The following STAB2 variants were observed in gnomAD, a reference collection of about 807,000 sequenced individuals.
The protein encoded by STAB2 is stabilin-2.
Under a neutral mutation model 338.1 loss-of-function variants are expected in STAB2, and 288 were observed. The ratio of observed to expected loss-of-function variants is 0.85; its 90% CI spans 0.77 to 0.94. The LOEUF (loss-of-function observed/expected upper bound fraction) is 0.94, where lower values mean the gene tolerates loss of function less well. Ranked by LOEUF, STAB2 falls within the 40% of genes least tolerant of loss-of-function variation. STAB2 has a pLI of 0.00. For missense variants in STAB2, 3,141 were observed against 3,210.1 expected (o/e 0.98, Z 0.52); for synonymous variants, 1,202 against 1,193.3 (o/e 1.01, Z -0.15).
intron 10 of STAB2, among the ~76,000 whole-genome samples, chr12:103,649,684 G>A (rs1028500188): frequency 1.3e-5 from 2 of 152,172 alleles, no homozygotes; most frequent in Admixed American, 6.5e-5. Flanking sequence ...CCCATTTAAT[G>A]TCTCCTGCAT....
In STAB2 at chr12:103,705,659, A is replaced by T. The variant is rs1566031911; in HGVS notation, c.3928A>T (p.Thr1310Ser). 3 of 1,614,090 alleles carry T rather than the reference A, an allele frequency of 1.9e-6. No homozygotes were observed. The highest frequency in any genetic ancestry group is 2.5e-6 in the Non-Finnish European group (3 of 1,180,014). The change falls in exon 37 of 69, where the codon ACC becomes TCC. Residue 1310 changes from threonine to serine, a missense_variant. Thr to Ser is a moderately conservative substitution (Grantham distance 58). Transcript: ENST00000388887. The part of the protein sequence containing the change: ...LGNEKRRCIY[T>S]SYFMGRRTLF... Reference sequence around the variant, plus strand: ...TAATGAGAAGAGGAGATGCATCTATACCTCCTATTTCATGGGAAGACGAAC... The same window carrying T: ...TAATGAGAAGAGGAGATGCATCTATTCCTCCTATTTCATGGGAAGACGAAC...
chr12:103,704,826 A>G, intron 36 of STAB2: 1 of 480,154 alleles, frequency 2.1e-6, no homozygotes, highest in Non-Finnish European at 3.7e-6. Flanking sequence ...ATGGGTTCAT[A>G]TGAATCAACA....
intron 6 of STAB2, among the ~76,000 whole-genome samples, chr12:103,634,433 T>C (rs10861062): frequency 0.16 from 24,391 of 152,230 alleles, 2,324 homozygotes; most frequent in South Asian, 0.4. Context: ...GTGACTGAAA[T>C]GAGGGTGCCA....
At chr12:103,599,615 A>G (rs1430199989) in intron 3 of STAB2, among the ~76,000 whole-genome samples, 1 of 152,246 alleles carries the variant, frequency 6.6e-6, no homozygotes, top group Non-Finnish European at 1.5e-5. Context: ...AAACAATATT[A>G]GGGATGTACT....
intron 46 of STAB2, among the ~76,000 whole-genome samples, 190 bp from the exon 47 acceptor site, chr12:103,727,074 TATA>T (rs2139062682): frequency 6.6e-6 from 1 of 152,362 alleles, no homozygotes; most frequent in Admixed American, 6.5e-5. Context: ...GTGTTAATTT[TATA>T]ATGAGAAGAA....
chr12:103,702,593 C>A (rs1040646613), intron 34 of STAB2, among the ~76,000 whole-genome samples: 1 of 152,260 alleles, frequency 6.6e-6, no homozygotes, highest in Admixed American at 6.5e-5. Context: ...GCCACCGCGC[C>A]CGGCCTATCA....
At chr12:103,614,646 T>G (rs1372533728) in intron 3 of STAB2, among the ~76,000 whole-genome samples, 1 of 152,194 alleles carries the variant, frequency 6.6e-6, no homozygotes, top group African/African-American at 2.4e-5. Flanking sequence ...TCTTGCTAAG[T>G]TCATCCACAT....
intron 8 of STAB2, 144 bp from the exon 9 acceptor site, chr12:103,639,979 T>C: frequency 3.2e-6 from 3 of 935,826 alleles, no homozygotes; most frequent in Non-Finnish European, 4.6e-6. Flanking sequence ...TTTAGATACT[T>C]TGACAAATTT....
intron 58 of STAB2, 84 bp from the exon 59 acceptor site, chr12:103,748,879 G>C: frequency 7.1e-7 from 1 of 1,413,040 alleles, no homozygotes; most frequent in Non-Finnish European, 9.7e-7. Context: ...AACACCACTA[G>C]TGCTGTGGTG....
chr12:103,641,840 A>T (rs1565979664), intron 9 of STAB2, among the ~76,000 whole-genome samples: 1 of 152,210 alleles, frequency 6.6e-6, no homozygotes, highest in African/African-American at 2.4e-5. Flanking sequence ...GACTGTCTTC[A>T]GCCAAAAAAA....
chr12:103,688,100 A>C, intron 27 of STAB2, 68 bp from the exon 28 acceptor site: 1 of 1,489,446 alleles, frequency 6.7e-7, no homozygotes, highest in Non-Finnish European at 9.4e-7. Flanking sequence ...CTGTGATTGC[A>C]CTTCTCATTG....
chr12:103,743,167 C>T (rs1382773991), intron 56 of STAB2, among the ~76,000 whole-genome samples: 2 of 151,824 alleles, frequency 1.3e-5, no homozygotes, highest in Admixed American at 6.6e-5. Context: ...GGATTACAGG[C>T]GCCCGCCACC....
At position 103,650,674 on chromosome 12, in the gene STAB2, A is replaced by G. The variant is rs535732471; in HGVS notation, c.1257+96A>G. 1.4e-5 allele frequency: 14 copies of G among 987,188 alleles called. No individual in the cohort carries two copies. In the South Asian group the frequency reaches 2.1e-4, roughly 15 times the overall value. The allele number at this position is 987,188 out of a possible 1,614,324, so 61.2% of individuals were successfully genotyped here. A position where few individuals can be genotyped will look rare whatever the true frequency, so the allele number is the denominator to read the frequency against. ...TTTAAAGTGGGAAATCCCCATTAAA[A>G]TTAAACCTACTGATGATAAGGATGG... is the stretch of plus-strand genomic sequence containing the variant. On this transcript the variant is annotated intron_variant, in intron 11 of 68. Transcript: ENST00000388887.
At chr12:103,669,906 G>A (rs1875582126) in intron 21 of STAB2, among the ~76,000 whole-genome samples, 1 of 152,174 alleles carries the variant, frequency 6.6e-6, no homozygotes, top group Non-Finnish European at 1.5e-5. Flanking sequence ...CGTTCCTCCT[G>A]TGGGAGATAT....
chr12:103,594,562 G>C (rs774639827), intron 3 of STAB2, 52 bp downstream of exon 3: 1 of 1,402,822 alleles, frequency 7.1e-7, no homozygotes. Context: ...TATCTCATTT[G>C]GTAGAAAATT....
intron 9 of STAB2, among the ~76,000 whole-genome samples, chr12:103,646,042 G>C (rs910709131): frequency 2.0e-5 from 3 of 152,146 alleles, no homozygotes; most frequent in Non-Finnish European, 4.4e-5. Flanking sequence ...CCAGCACTTT[G>C]GGAGGCCAAA....
chr12:103,737,578 C>CTCTG, intron 52 of STAB2, 56 bp from the exon 53 acceptor site: 1 of 766,064 alleles, frequency 1.3e-6, no homozygotes, highest in Non-Finnish European at 1.8e-6. Context: ...GACTGTTTCT[C>CTCTG]TCTCTCTCTC....
chr12:103,675,564 G>T (rs528147804), intron 23 of STAB2, among the ~76,000 whole-genome samples: 113 of 152,398 alleles, frequency 7.4e-4, no homozygotes, highest in Admixed American at 3.6e-3. Flanking sequence ...GACACTGTCA[G>T]GTGTTGAGAT....
intron 63 of STAB2, among the ~76,000 whole-genome samples, chr12:103,757,469 G>A (rs542730008): frequency 4.6e-5 from 7 of 152,200 alleles, no homozygotes; most frequent in African/African-American, 1.2e-4. Flanking sequence ...GAACAAACAC[G>A]TCAATAGTAT....
Sources: allele counts gnomAD v4.1 joint callset (sites outside exome capture counted in the v4.1 genomes callset), GRCh38; gene constraint gnomAD v4.1.1; transcripts MANE v1.5; gene names NCBI Gene and HGNC (gene_info 2026-07-23, HGNC 2026-07-21).